MNAT1: variants seen among roughly 807,000 people sequenced by gnomAD.
MNAT1 encodes the protein MNAT1 component of CDK activating kinase.
In MNAT1, 43 loss-of-function variants were observed where a neutral mutation model predicts 42.0. The ratio of observed to expected loss-of-function variants is 1.02; its 90% CI spans 0.80 to 1.32. The LOEUF (loss-of-function observed/expected upper bound fraction) is 1.32, where lower values mean the gene tolerates loss of function less well. MNAT1 is among the 40% of genes most tolerant of loss of function. The pLI, the probability that MNAT1 is intolerant of heterozygous loss-of-function variation, is 0.00. For missense variants in MNAT1, 306 were observed against 350.4 expected, an observed-to-expected ratio of 0.87 and a Z score of 1.01; for synonymous variants, 118 against 120.0, an observed-to-expected ratio of 0.98 and a Z score of 0.11.
At chr14:60,925,328 C>CTT (rs1265168437) in intron 7 of MNAT1, among the ~76,000 whole-genome samples, 1 of 152,114 alleles carries the variant, frequency 6.6e-6, no homozygotes, top group Non-Finnish European at 1.5e-5. Context: ...ATATAAGGGA[C>CTT]TTAAGCATCT....
At position 60,863,063 on chromosome 14, in the gene MNAT1, C is replaced by T. The variant is rs150832849; in HGVS notation, c.688-16651C>T. 5.1e-3 allele frequency among the ~76,000 whole-genome samples: 770 copies of T among 151,784 alleles called. 13 individuals carry two copies. Among genetic ancestry groups the T allele is most frequent in the African/African-American group, 0.017 (724 of 41,386 alleles). Reference sequence around the variant, plus strand: ...TGTGATCGAAAGATTCGAAATTTAACAACAACAACAACAACAACAAAGAAA... The same window carrying T: ...TGTGATCGAAAGATTCGAAATTTAATAACAACAACAACAACAACAAAGAAA... On this transcript the variant is annotated intron_variant, in intron 6 of 7. Coordinates refer to ENST00000261245, the MANE Select transcript of MNAT1 (RefSeq NM_002431.4).
At chr14:60,747,749 A>G (rs2029895987) in intron 1 of MNAT1, among the ~76,000 whole-genome samples, 3 of 152,174 alleles carry the variant, frequency 2.0e-5, no homozygotes, top group African/African-American at 7.2e-5. Flanking sequence ...AATAAACCCC[A>G]GCTTATGGTA....
At chr14:60,916,225 A>G (rs879924391) in intron 7 of MNAT1, among the ~76,000 whole-genome samples, 1 of 152,234 alleles carries the variant, frequency 6.6e-6, no homozygotes, top group African/African-American at 2.4e-5. Context: ...ATCCATTATC[A>G]TCTTAACCCT....
intron 1 of MNAT1, among the ~76,000 whole-genome samples, chr14:60,775,610 G>T (rs1236338932): frequency 2.0e-5 from 3 of 152,214 alleles, no homozygotes; most frequent in Non-Finnish European, 2.9e-5. Context: ...CTTGAGTAGG[G>T]ATTAGGAAGT....
At chr14:60,768,075 A>G (rs1372494380) in intron 1 of MNAT1, among the ~76,000 whole-genome samples, 1 of 150,914 alleles carries the variant, frequency 6.6e-6, no homozygotes, top group Admixed American at 6.6e-5. Flanking sequence ...TATTTTTTGT[A>G]TTTTTAGTAC....
At chr14:60,875,070 T>C (rs949750398) in intron 6 of MNAT1, among the ~76,000 whole-genome samples, 3 of 152,136 alleles carry the variant, frequency 2.0e-5, no homozygotes, top group Non-Finnish European at 4.4e-5. Flanking sequence ...ATCGTACTTA[T>C]GGCAAACAGA....
At chr14:60,807,138 G>A (rs556703449) in intron 3 of MNAT1, among the ~76,000 whole-genome samples, 1 of 152,272 alleles carries the variant, frequency 6.6e-6, no homozygotes, top group South Asian at 2.1e-4. Flanking sequence ...AATGAGCCTG[G>A]ATTTTCAACA....
intron 1 of MNAT1, among the ~76,000 whole-genome samples, chr14:60,790,929 A>G (rs890771648): frequency 1.3e-5 from 2 of 152,168 alleles, no homozygotes; most frequent in African/African-American, 4.8e-5. Context: ...GTTATTCCAT[A>G]AAGGATTTAA....
intron 6 of MNAT1, among the ~76,000 whole-genome samples, chr14:60,837,136 A>G (rs1418064983): frequency 2.0e-5 from 3 of 152,178 alleles, no homozygotes; most frequent in African/African-American, 7.2e-5. Context: ...ATTTCAAGCC[A>G]GTGTTTCTTA....
At chr14:60,898,586 C>G (rs917164273) in intron 7 of MNAT1, among the ~76,000 whole-genome samples, 104 of 152,066 alleles carry the variant, frequency 6.8e-4, no homozygotes, top group African/African-American at 2.4e-3. Flanking sequence ...TATTCATATT[C>G]TTTGCCTACT....
intron 7 of MNAT1, among the ~76,000 whole-genome samples, chr14:60,947,071 C>T (rs777229818): frequency 5.9e-5 from 9 of 152,180 alleles, no homozygotes; most frequent in Non-Finnish European, 1.2e-4. Context: ...CTGAATGCCT[C>T]ACAAAGACCC....
chr14:60,811,298 C>CTTTT (rs569520885), intron 4 of MNAT1, among the ~76,000 whole-genome samples: 16 of 80,260 alleles, frequency 2.0e-4, no homozygotes, highest in East Asian at 1.3e-3. Context: ...TCTATTCTTT[C>CTTTT]TTTTTTTTTT....
At chr14:60,788,952 A>C (rs1377296791) in intron 1 of MNAT1, among the ~76,000 whole-genome samples, 1 of 152,140 alleles carries the variant, frequency 6.6e-6, no homozygotes, top group Non-Finnish European at 1.5e-5. Flanking sequence ...AGTGCTTTTA[A>C]TTTCCTTCGA....
intron 1 of MNAT1, among the ~76,000 whole-genome samples, chr14:60,769,672 TA>T (rs2030978164): frequency 6.6e-6 from 1 of 152,156 alleles, no homozygotes; most frequent in Non-Finnish European, 1.5e-5. Flanking sequence ...TTGTTTTTTT[TA>T]GAGACAGGGC....
At position 60,968,933 on chromosome 14, in the gene MNAT1, T is replaced by C; in HGVS notation, c.*584T>C. 1 of 164,168 alleles carries C rather than the reference T, an allele frequency of 6.1e-6. No individual in the cohort carries two copies. Among genetic ancestry groups the C allele is most frequent in the Non-Finnish European group, 1.3e-5 (1 of 76,526 alleles). 10.2% of individuals were successfully genotyped at this position (164,168 alleles called of 1,614,324 possible). On this transcript the variant is annotated 3_prime_UTR_variant, in exon 8 of 8. Coordinates refer to ENST00000261245, the MANE Select transcript of MNAT1 (RefSeq NM_002431.4). ...AGGACTCAATGCCTGTTTTAAGCAGTGGAAAATGAGGCAAACCTTGATCAA... is the reference window on the plus strand; with the variant it reads ...AGGACTCAATGCCTGTTTTAAGCAGCGGAAAATGAGGCAAACCTTGATCAA...
intron 1 of MNAT1, among the ~76,000 whole-genome samples, chr14:60,770,853 A>G (rs563757658): frequency 2.0e-5 from 3 of 152,340 alleles, no homozygotes; most frequent in Admixed American, 2.0e-4. Context: ...TCACAATGTT[A>G]ATGCACATAG....
At chr14:60,802,415 A>G (rs563649130) in intron 3 of MNAT1, among the ~76,000 whole-genome samples, 49 of 152,326 alleles carry the variant, frequency 3.2e-4, no homozygotes, top group African/African-American at 1.1e-3. Context: ...GTGAATACAT[A>G]TATCAAAACA....
intron 1 of MNAT1, among the ~76,000 whole-genome samples, chr14:60,748,890 T>C (rs1047555033): frequency 6.6e-6 from 1 of 152,204 alleles, no homozygotes; most frequent in Non-Finnish European, 1.5e-5. Context: ...TATTAACTAT[T>C]ATGCACTGTG....
intron 6 of MNAT1, among the ~76,000 whole-genome samples, chr14:60,827,444 G>A (rs775554117): frequency 2.0e-5 from 3 of 152,122 alleles, no homozygotes; most frequent in Non-Finnish European, 4.4e-5. Context: ...CTCATTGGAA[G>A]ATCTAACCTT....
Sources: gnomAD v4.1 joint callset for allele counts (sites outside exome capture counted in the v4.1 genomes callset) on GRCh38, gnomAD v4.1.1 for gene constraint, MANE v1.5 for transcripts, NCBI Gene and HGNC (gene_info 2026-07-23, HGNC 2026-07-21) for gene names.